The following MACF1 variants were observed in gnomAD, a reference collection of about 807,000 sequenced individuals.
MACF1 encodes the protein microtubule actin crosslinking factor 1.
MACF1 carries 193 observed loss-of-function variants against 854.8 expected under a neutral mutation model. That is an observed-to-expected ratio of 0.23 (90% CI 0.20 to 0.25). The LOEUF (loss-of-function observed/expected upper bound fraction) is 0.25, where lower values mean the gene tolerates loss of function less well. MACF1 is among the 10% of genes least tolerant of loss of function. The pLI, the probability that MACF1 is intolerant of heterozygous loss-of-function variation, is 1.00. For missense variants in MACF1, 7,722 were observed against 8,929.1 expected (o/e 0.86, Z 5.45); for synonymous variants, 3,185 against 3,226.7 (o/e 0.99, Z 0.44).
intron 99 of MACF1, among the ~76,000 whole-genome samples, chr1:39,483,014 A>T (rs1645040943): frequency 1.5e-5 from 2 of 129,922 alleles, no homozygotes; most frequent in South Asian, 5.3e-4. Flanking sequence ...TGAGCCTGGG[A>T]GGTCGAGGCT....
chr1:39,119,970 G>A (rs984734927), intron 2 of MACF1, among the ~76,000 whole-genome samples: 2 of 138,924 alleles, frequency 1.4e-5, no homozygotes, highest in African/African-American at 5.5e-5. Context: ...CGCAACCTCT[G>A]CCTCCCAGGT....
At chr1:39,193,444 T>C (rs998770264) in intron 2 of MACF1, among the ~76,000 whole-genome samples, 2 of 152,224 alleles carry the variant, frequency 1.3e-5, no homozygotes, top group Non-Finnish European at 2.9e-5. Context: ...CACACATTAC[T>C]TTCACTTACC....
At chr1:39,368,464 T>A (rs772363738) in intron 50 of MACF1, 150 bp downstream of exon 50, 24 of 665,630 alleles carry the variant, frequency 3.6e-5, no homozygotes, top group Non-Finnish European at 5.7e-5. Flanking sequence ...TGCCTTTTTT[T>A]AGGCAAAGCT....
At chr1:39,374,488 G>A (rs1201258855) in intron 52 of MACF1, among the ~76,000 whole-genome samples, 7 of 152,122 alleles carry the variant, frequency 4.6e-5, no homozygotes, top group Non-Finnish European at 8.8e-5. Flanking sequence ...CAACCTCTAC[G>A]TTCAGTGACT....
chr1:39,226,552 GCTGGTCTCGAA>G (rs981389492), intron 1 of MACF1, among the ~76,000 whole-genome samples: 1 of 151,982 alleles, frequency 6.6e-6, no homozygotes, highest in Non-Finnish European at 1.5e-5. Flanking sequence ...TGTTGGTCAG[GCTGGTCTCGAA>G]CGCCTGACCT....
At chr1:39,433,373 A>G (rs532093011) in intron 68 of MACF1, among the ~76,000 whole-genome samples, 2 of 152,318 alleles carry the variant, frequency 1.3e-5, no homozygotes, top group Admixed American at 1.3e-4. Flanking sequence ...TATATTGCAA[A>G]TCCATCTTCT....
chr1:39,217,365 CAG>C (rs565900751), intron 1 of MACF1, among the ~76,000 whole-genome samples: 147 of 151,780 alleles, frequency 9.7e-4, no homozygotes, highest in African/African-American at 3.5e-3. Flanking sequence ...GCCTCCACCT[CAG>C]GGGCTCAAAC....
At position 39,233,808 on chromosome 1, in the gene MACF1, T is replaced by TTA. The variant is rs755591226; in HGVS notation, c.171+2565_171+2566insTA. Among the ~76,000 whole-genome samples, 334 of 65,804 alleles carry TTA rather than the reference T, an allele frequency of 5.1e-3. 77 individuals are homozygous for TTA. The highest frequency in any genetic ancestry group is 0.016 in the South Asian group (18 of 1,120). The allele number at this position is 65,804 out of a possible 152,430, so 43.2% of individuals were successfully genotyped here. A position where few individuals can be genotyped will look rare whatever the true frequency, so the allele number is the denominator to read the frequency against. ...TTTTTTTTTTTTTTTATTTATTTTT[T>TTA]ATTGATAATTCTTGGGTGTTTCTCA... On this transcript the variant is annotated intron_variant, in intron 2 of 100. Transcript: ENST00000564288.
At chr1:39,390,972 AT>A (rs1642010430) in intron 58 of MACF1, among the ~76,000 whole-genome samples, 1 of 151,946 alleles carries the variant, frequency 6.6e-6, no homozygotes, top group African/African-American at 2.4e-5. Context: ...TTAGCTGGGT[AT>A]GGTGGCAGGC....
intron 56 of MACF1, among the ~76,000 whole-genome samples, chr1:39,382,357 G>C (rs1346619942): frequency 6.6e-6 from 1 of 152,086 alleles, no homozygotes; most frequent in Non-Finnish European, 1.5e-5. Context: ...AATAGAGACA[G>C]TAAGATGAGT....
rs56799242 is a variant in MACF1 at position 39,417,713 on chromosome 1, A to ATTTTTTTTTTTTTTTTT, written c.15817-4641_15817-4625dup. On this transcript the variant is annotated intron_variant, in intron 58 of 100. Coordinates refer to ENST00000564288, the MANE Select transcript of MACF1 (RefSeq NM_001394062.1). ...AGGAATGTGCCACCACACCCAGTTA[A>ATTTTTTTTTTTTTTTTT]TTTTTTTTTTTTTTTTTTTTTTTTT... Among the ~76,000 whole-genome samples the ATTTTTTTTTTTTTTTTT allele has an allele frequency of 9.0e-5, 5 of 55,832 alleles. 1 individual carries two copies. The highest frequency in any genetic ancestry group is 1.9e-4 in the Non-Finnish European group (5 of 25,996). 36.6% of individuals were successfully genotyped at this position (55,832 alleles called of 152,430 possible).
intron 2 of MACF1, among the ~76,000 whole-genome samples, chr1:39,160,855 C>T (rs991727298): frequency 6.6e-6 from 1 of 152,208 alleles, no homozygotes; most frequent in East Asian, 1.9e-4. Context: ...TACTTCCCTT[C>T]TTCTTTTCAC....
intron 2 of MACF1, among the ~76,000 whole-genome samples, chr1:39,132,380 C>A (rs1033741348): frequency 2.0e-5 from 3 of 152,094 alleles, no homozygotes; most frequent in African/African-American, 4.8e-5. Context: ...GCTCTTTTCC[C>A]TGTATCCATC....
chr1:39,363,045 C>T (rs908317627), intron 49 of MACF1, among the ~76,000 whole-genome samples: 2 of 152,118 alleles, frequency 1.3e-5, no homozygotes, highest in African/African-American at 2.4e-5. Context: ...AACAAACCTG[C>T]TAAATAAAAT....
intron 58 of MACF1, chr1:39,410,796 A>G (rs1254345926): frequency 6.2e-7 from 1 of 1,613,994 alleles, no homozygotes; most frequent in South Asian, 1.1e-5. Flanking sequence ...CATTAACAGA[A>G]AGTTCTGGTC....
At chr1:39,186,170 A>ATCTCTCTCTCTCTCTCTCTCTCTC (rs55658204) in intron 2 of MACF1, among the ~76,000 whole-genome samples, 24 of 109,978 alleles carry the variant, frequency 2.2e-4, no homozygotes, top group Non-Finnish European at 3.5e-4. Context: ...GATTCTGAAC[A>ATCTCTCTCTCTCTCTCTCTCTCTC]TCTCTCTCTC....
At chr1:39,252,708 C>G (rs1645054674) in intron 4 of MACF1, among the ~76,000 whole-genome samples, 2 of 152,194 alleles carry the variant, frequency 1.3e-5, no homozygotes, top group Admixed American at 1.3e-4. Flanking sequence ...TAGGCACTAT[C>G]ATCTTCTAAG....
At chr1:39,180,560 G>C (rs970412280) in intron 2 of MACF1, among the ~76,000 whole-genome samples, 1 of 152,192 alleles carries the variant, frequency 6.6e-6, no homozygotes, top group Non-Finnish European at 1.5e-5. Flanking sequence ...AGGTTTCAGT[G>C]AGCCGAGATT....
intron 23 of MACF1, 47 bp downstream of exon 23, chr1:39,303,125 C>T (rs1412147288): frequency 6.3e-7 from 1 of 1,597,076 alleles, no homozygotes; most frequent in Non-Finnish European, 8.6e-7. Flanking sequence ...TGCTGTTGGC[C>T]TCGGTGAACC....
Sources: gnomAD v4.1 joint callset for allele counts (sites outside exome capture counted in the v4.1 genomes callset) on GRCh38, gnomAD v4.1.1 for gene constraint, MANE v1.5 for transcripts, NCBI Gene and HGNC (gene_info 2026-07-23, HGNC 2026-07-21) for gene names.